ADAMTSL3: variants seen among roughly 807,000 people sequenced by gnomAD.
The protein encoded by ADAMTSL3 is ADAMTS like 3, also known as ADAMTS-like protein 3.
ADAMTSL3 carries 128 observed loss-of-function variants against 201.7 expected under a neutral mutation model. That is an observed-to-expected ratio of 0.63 (90% CI 0.55 to 0.73). ADAMTSL3 has a LOEUF of 0.73. Ranked by LOEUF, ADAMTSL3 falls within the 30% of genes least tolerant of loss-of-function variation. ADAMTSL3 has a pLI of 0.00. For missense variants in ADAMTSL3, 1,990 were observed against 2,119.6 expected, an observed-to-expected ratio of 0.94 and a Z score of 1.20; for synonymous variants, 738 against 748.4, an observed-to-expected ratio of 0.99 and a Z score of 0.23.
intron 6 of ADAMTSL3, among the ~76,000 whole-genome samples, chr15:83,833,393 A>AT (rs1167961761): frequency 6.6e-6 from 1 of 152,024 alleles, no homozygotes; most frequent in African/African-American, 2.4e-5. Flanking sequence ...TATCCAGGGT[A>AT]TTTTTTATAA....
At chr15:83,834,437 C>T (rs963149970) in intron 6 of ADAMTSL3, among the ~76,000 whole-genome samples, 2 of 152,052 alleles carry the variant, frequency 1.3e-5, no homozygotes, top group African/African-American at 2.4e-5. Context: ...TCAGATTTTT[C>T]CCCCAAGTTA....
At chr15:83,793,459 G>GTGGTGTTGT (rs375462443) in intron 4 of ADAMTSL3, among the ~76,000 whole-genome samples, 1 of 150,536 alleles carries the variant, frequency 6.6e-6, no homozygotes, top group Non-Finnish European at 1.5e-5. Flanking sequence ...ATCTGTTGGT[G>GTGGTGTTGT]TGTTGTTGTT....
At chr15:83,752,100 A>G (rs917231144) in intron 3 of ADAMTSL3, among the ~76,000 whole-genome samples, 31 of 152,372 alleles carry the variant, frequency 2.0e-4, no homozygotes, top group African/African-American at 7.2e-4. Context: ...TATGAAAACA[A>G]CAAAATGAAA....
At chr15:83,894,843 T>G (rs1386328610) in intron 13 of ADAMTSL3, among the ~76,000 whole-genome samples, 2 of 151,932 alleles carry the variant, frequency 1.3e-5, no homozygotes, top group African/African-American at 4.8e-5. Flanking sequence ...ATTTCAAAGT[T>G]TGGTAAATAA....
intron 3 of ADAMTSL3, among the ~76,000 whole-genome samples, chr15:83,746,896 C>G (rs2062556522): frequency 6.6e-6 from 1 of 152,088 alleles, no homozygotes; most frequent in East Asian, 1.9e-4. Flanking sequence ...ACTTATTAAA[C>G]TGATGGAATA....
chr15:83,699,675 C>T (rs180724961), intron 2 of ADAMTSL3, among the ~76,000 whole-genome samples: 22 of 152,278 alleles, frequency 1.4e-4, no homozygotes, highest in Non-Finnish European at 2.1e-4. Context: ...TTATCCATTT[C>T]GTGCCACTGT....
intron 3 of ADAMTSL3, among the ~76,000 whole-genome samples, chr15:83,756,699 A>G (rs1471377961): frequency 6.6e-6 from 1 of 151,230 alleles, no homozygotes; most frequent in Non-Finnish European, 1.5e-5. Context: ...TCAAAAGTCT[A>G]CAGTCTAAAG....
chr15:83,873,906 T>G (rs949984764), intron 9 of ADAMTSL3, among the ~76,000 whole-genome samples: 6 of 145,232 alleles, frequency 4.1e-5, no homozygotes, highest in Non-Finnish European at 9.0e-5. Context: ...GTAGGGTTAT[T>G]ATTATTTTTA....
At chr15:83,819,690 G>C in intron 5 of ADAMTSL3, 121 bp from the exon 6 acceptor site, 2 of 708,170 alleles carry the variant, frequency 2.8e-6, no homozygotes, top group South Asian at 3.7e-5. Context: ...GAGGGAATTA[G>C]GTGACTCCCA....
At chr15:83,662,570 T>TAA (rs1555427509) in intron 2 of ADAMTSL3, among the ~76,000 whole-genome samples, 4 of 65,538 alleles carry the variant, frequency 6.1e-5, no homozygotes, top group Admixed American at 4.0e-4. Flanking sequence ...TAAAGTATAA[T>TAA]AAAAAAAAAA....
chr15:83,857,284 C>T (rs1052325459), intron 7 of ADAMTSL3, among the ~76,000 whole-genome samples: 1 of 152,110 alleles, frequency 6.6e-6, no homozygotes, highest in African/African-American at 2.4e-5. Flanking sequence ...TCATTCTGTT[C>T]ATAGTGTCCT....
At position 83,982,895 on chromosome 15, in the gene ADAMTSL3, T is replaced by C; in HGVS notation, c.3267T>C (p.Tyr1089=). 6.2e-7 allele frequency: 1 copy of C among 1,614,006 alleles called. No homozygotes were observed. The highest frequency in any genetic ancestry group is 8.5e-7 in the Non-Finnish European group (1 of 1,180,020). ...AAGCAGCAGTTAAACAAGGAGCATA[T>C]AGCATGGATACAGCCCAGTTTGATG... is the stretch of plus-strand genomic sequence containing the variant. ...QFEAAVKQGA[Y]SMDTAQFDEL... The change falls in exon 21 of 30, where the codon TAT becomes TAC. Residue 1089 remains tyrosine, a synonymous_variant. Coordinates refer to ENST00000286744, the MANE Select transcript of ADAMTSL3 (RefSeq NM_207517.3).
chr15:83,862,566 T>C (rs944899429), intron 8 of ADAMTSL3: 1 of 152,148 alleles, frequency 6.6e-6, no homozygotes, highest in Admixed American at 6.5e-5. Flanking sequence ...GATAAGCAAA[T>C]GCTGAGAGAT....
chr15:83,941,035 T>G (rs2066548350), intron 17 of ADAMTSL3, among the ~76,000 whole-genome samples: 1 of 152,036 alleles, frequency 6.6e-6, no homozygotes, highest in African/African-American at 2.4e-5. Context: ...CTTGTTAATA[T>G]GCCAAGGGTT....
At chr15:83,681,164 C>T (rs1261676769) in intron 2 of ADAMTSL3, among the ~76,000 whole-genome samples, 1 of 152,148 alleles carries the variant, frequency 6.6e-6, no homozygotes, top group African/African-American at 2.4e-5. Context: ...AACAAATAAT[C>T]AAAATATTTT....
Position 83,704,427 on chromosome 15 carries a change from C to A in ADAMTSL3, c.108C>A (p.Pro36=). 1 of 1,614,164 alleles carries A rather than the reference C, an allele frequency of 6.2e-7. No homozygotes were observed. The highest frequency in any genetic ancestry group is 1.1e-5 in the South Asian group (1 of 91,068). The change falls in exon 3 of 30, where the codon CCC becomes CCA. Residue 36 remains proline, a synonymous_variant. Coordinates refer to ENST00000286744, the MANE Select transcript of ADAMTSL3 (RefSeq NM_207517.3). ...AEKSPGAYFL[P]EFALSPQGSF... ...AATCTCCTGGAGCCTATTTCCTTCC[C>A]GAGTTTGCACTTTCTCCTCAGGGAA...
At chr15:83,864,375 G>A (rs2064930797) in intron 8 of ADAMTSL3, among the ~76,000 whole-genome samples, 2 of 152,172 alleles carry the variant, frequency 1.3e-5, no homozygotes, top group African/African-American at 2.4e-5. Context: ...TAAAATTCTG[G>A]CAAACCAAAT....
intron 15 of ADAMTSL3, among the ~76,000 whole-genome samples, chr15:83,910,251 C>T (rs899660514): frequency 3.3e-5 from 5 of 151,862 alleles, no homozygotes; most frequent in South Asian, 2.1e-4. Context: ...TGTGCAAAGA[C>T]GTAGGTAACA....
At chr15:83,655,602 C>T (rs1243931499) in intron 1 of ADAMTSL3, 127 bp from the exon 2 acceptor site, 2 of 681,330 alleles carry the variant, frequency 2.9e-6, no homozygotes, top group East Asian at 5.5e-5. Context: ...GCAACCTGGG[C>T]CAACACAAAC....
Sources: gnomAD v4.1 joint callset for allele counts (sites outside exome capture counted in the v4.1 genomes callset) on GRCh38, gnomAD v4.1.1 for gene constraint, MANE v1.5 for transcripts, NCBI Gene and HGNC (gene_info 2026-07-23, HGNC 2026-07-21) for gene names.